Variants in MAP2K5 observed in about 807,000 individuals in gnomAD.
MAP2K5 encodes dual specificity mitogen-activated protein kinase kinase 5.
In MAP2K5, 49 loss-of-function variants were observed where a neutral mutation model predicts 83.1. That is an observed-to-expected ratio of 0.59 (90% CI 0.47 to 0.75). The LOEUF is 0.75. MAP2K5 is among the 30% of genes least tolerant of loss of function. MAP2K5 has a pLI of 0.00. For missense variants in MAP2K5, 457 were observed against 557.5 expected, an observed-to-expected ratio of 0.82 and a Z score of 1.82; for synonymous variants, 202 against 191.8, an observed-to-expected ratio of 1.05 and a Z score of -0.44.
chr15:67,806,864 C>G lies in MAP2K5; in HGVS notation c.*114C>G. On this transcript the variant is annotated 3_prime_UTR_variant, in exon 22 of 22. Coordinates refer to ENST00000178640, the MANE Select transcript of MAP2K5 (RefSeq NM_145160.3). ...AGAGCTTTGCTGGGCCCTGGCTTCC[C>G]TGCCCTCGCCTTCACCTCTGTCAGC... 1 of 1,595,462 alleles carries G rather than the reference C, an allele frequency of 6.3e-7. No individual in the cohort carries two copies. The highest frequency in any genetic ancestry group is 8.5e-7 in the Non-Finnish European group (1 of 1,178,402).
At chr15:67,642,417 G>A in intron 9 of MAP2K5, 1 of 1,607,560 alleles carries the variant, frequency 6.2e-7, no homozygotes, top group Non-Finnish European at 8.5e-7. Flanking sequence ...CTGTTTTTAG[G>A]AGATGAGGGA....
chr15:67,690,869 C>G lies in MAP2K5; in HGVS notation c.848-1610C>G, dbSNP rs961260830. Among the ~76,000 whole-genome samples, 5 of 152,074 alleles carry G rather than the reference C, an allele frequency of 3.3e-5. No homozygotes were observed. Among genetic ancestry groups the G allele is most frequent in the Non-Finnish European group, 7.4e-5 (5 of 68,002 alleles). On this transcript the variant is annotated intron_variant, in intron 13 of 21. Coordinates refer to ENST00000178640, the MANE Select transcript of MAP2K5 (RefSeq NM_145160.3). The surrounding 1 kb of genome is among the most constrained non-coding windows in gnomAD (Gnocchi z 4.3). Reference sequence around the variant, plus strand: ...AAATTTAATGTATCATATAAAAAGCCATTAATCAGTGAGCAAGATACTGTG... The same window carrying G: ...AAATTTAATGTATCATATAAAAAGCGATTAATCAGTGAGCAAGATACTGTG...
intron 17 of MAP2K5, among the ~76,000 whole-genome samples, chr15:67,740,152 C>T (rs571032282): frequency 6.6e-6 from 1 of 152,188 alleles, no homozygotes; most frequent in Non-Finnish European, 1.5e-5. Flanking sequence ...TTTAATAAGT[C>T]ACTCATTTCT....
chr15:67,564,124 A>G (rs2084794499), intron 3 of MAP2K5, among the ~76,000 whole-genome samples: 2 of 152,206 alleles, frequency 1.3e-5, no homozygotes, highest in Non-Finnish European at 2.9e-5. Flanking sequence ...TAGAAAGAGC[A>G]TTGGACTGGA....
At chr15:67,606,076 G>A (rs2085772561) in intron 8 of MAP2K5, among the ~76,000 whole-genome samples, 1 of 152,156 alleles carries the variant, frequency 6.6e-6, no homozygotes, top group Admixed American at 6.5e-5. Flanking sequence ...AGTTACTTTG[G>A]AAACATTGTT....
chr15:67,651,197 GAC>G (rs2086945166), intron 11 of MAP2K5, among the ~76,000 whole-genome samples: 1 of 152,194 alleles, frequency 6.6e-6, no homozygotes, highest in South Asian at 2.1e-4. Flanking sequence ...CAGCCTGGGT[GAC>G]AGAGACTCTG....
chr15:67,752,897 GAAA>G (rs11314980), intron 19 of MAP2K5, among the ~76,000 whole-genome samples: 2 of 141,768 alleles, frequency 1.4e-5, no homozygotes, highest in African/African-American at 2.6e-5. Flanking sequence ...AACAATCATT[GAAA>G]AAAAAAAAAA....
rs114079025 is a variant in MAP2K5, at chr15:67,802,930, G to A, written c.1243-3716G>A. On this transcript the variant is annotated intron_variant, in intron 21 of 21. Transcript: ENST00000178640. The surrounding 1 kb of genome is among the most constrained non-coding windows in gnomAD (Gnocchi z 5.0). ...GGAGACTGCAAGGAGCCTCGAGGTTGGCTGTCTGATTGCAGGCACAGGAGA... is the reference window on the plus strand; with the variant it reads ...GGAGACTGCAAGGAGCCTCGAGGTTAGCTGTCTGATTGCAGGCACAGGAGA... Among the ~76,000 whole-genome samples, 408 of 152,358 alleles carry A rather than the reference G, an allele frequency of 2.7e-3. 2 individuals are homozygous for A. The highest frequency in any genetic ancestry group is 9.3e-3 in the African/African-American group (388 of 41,582).
At chr15:67,602,925 T>TA (rs1320806925) in intron 8 of MAP2K5, among the ~76,000 whole-genome samples, 2 of 152,234 alleles carry the variant, frequency 1.3e-5, no homozygotes, top group Non-Finnish European at 2.9e-5. Flanking sequence ...GTGCTGGGAT[T>TA]ACAGGAGTGA....
At chr15:67,624,283 G>A (rs1357913976) in intron 8 of MAP2K5, among the ~76,000 whole-genome samples, 1 of 146,950 alleles carries the variant, frequency 6.8e-6, no homozygotes, top group African/African-American at 2.5e-5. Context: ...AGCTGGCAGT[G>A]AGCCGAGATC....
In MAP2K5 at chr15:67,769,509, TTTA is replaced by T; in HGVS notation, c.1135-91_1135-89del. 1.8e-6 allele frequency: 2 copies of T among 1,106,354 alleles called. No homozygotes were observed. The allele number at this position is 1,106,354 out of a possible 1,614,324, so 68.5% of individuals were successfully genotyped here. ...AGGCCTTATTCTCATTGTATTCATC[TTTA>T]TACTCATCCTTCACATGGGTGGGTG... is the stretch of plus-strand genomic sequence containing the variant. On this transcript the variant is annotated intron_variant, in intron 19 of 21. Transcript: ENST00000178640. This position sits in a 1 kb window ranked among gnomAD's most constrained non-coding sequence, Gnocchi z 5.2.
intron 3 of MAP2K5, among the ~76,000 whole-genome samples, chr15:67,571,097 T>C (rs2084939294): frequency 6.6e-6 from 1 of 152,270 alleles, no homozygotes; most frequent in South Asian, 2.1e-4. Flanking sequence ...CTCTGGATTC[T>C]TCCTGTAAAC....
intron 15 of MAP2K5, among the ~76,000 whole-genome samples, chr15:67,700,247 G>A (rs1450690229): frequency 6.6e-6 from 1 of 152,136 alleles, no homozygotes; most frequent in African/African-American, 2.4e-5. Context: ...GGTGCCAGAA[G>A]GACTGCCCTT....
chr15:67,657,608 A>G (rs2087117498), intron 11 of MAP2K5, among the ~76,000 whole-genome samples: 1 of 151,886 alleles, frequency 6.6e-6, no homozygotes, highest in South Asian at 2.1e-4. Flanking sequence ...ATGTTTAGTT[A>G]CACAGTGGTT....
intron 7 of MAP2K5, among the ~76,000 whole-genome samples, chr15:67,595,439 G>C (rs758684530): frequency 5.9e-5 from 9 of 152,174 alleles, no homozygotes; most frequent in Non-Finnish European, 1.3e-4. Flanking sequence ...TGAAGCAAAG[G>C]TCTAGTGATG....
At chr15:67,626,374 A>G (rs1212960322) in intron 8 of MAP2K5, among the ~76,000 whole-genome samples, 2 of 152,044 alleles carry the variant, frequency 1.3e-5, no homozygotes, top group Non-Finnish European at 2.9e-5. Context: ...AATACAAAAA[A>G]AAATTAGCCA....
intron 15 of MAP2K5, among the ~76,000 whole-genome samples, chr15:67,694,098 G>A (rs1567365628): frequency 6.6e-6 from 1 of 151,994 alleles, no homozygotes; most frequent in Non-Finnish European, 1.5e-5. Context: ...AGATTATTTA[G>A]TTGCACTGAA....
At chr15:67,804,959 C>A (rs749024275) in intron 21 of MAP2K5, among the ~76,000 whole-genome samples, 1 of 152,206 alleles carries the variant, frequency 6.6e-6, no homozygotes, top group African/African-American at 2.4e-5. Flanking sequence ...AGGCCCCAGA[C>A]CAAACCTCTG....
In MAP2K5 at chr15:67,722,067, A is replaced by G. The variant is rs2088974723; in HGVS notation, c.1045-5849A>G. Among the ~76,000 whole-genome samples the G allele has an allele frequency of 6.6e-6, 1 of 152,144 alleles. No individual in the cohort carries two copies. The highest frequency in any genetic ancestry group is 2.1e-4 in the South Asian group (1 of 4,820). The stretch of plus-strand genomic sequence containing the variant: ...AGTACTGATAATGTGGAGGGTCCCA[A>G]AGGTTATTAGGGCATGTTTCTGTTA... On this transcript the variant is annotated intron_variant, in intron 16 of 21. Coordinates refer to ENST00000178640, the MANE Select transcript of MAP2K5 (RefSeq NM_145160.3). The surrounding 1 kb of genome is among the most constrained non-coding windows in gnomAD (Gnocchi z 4.2).
Sources: allele counts gnomAD v4.1 joint callset (sites outside exome capture counted in the v4.1 genomes callset), GRCh38; gene constraint gnomAD v4.1.1; non-coding constraint Gnocchi (gnomAD v3.1); transcripts MANE v1.5; gene names NCBI Gene and HGNC (gene_info 2026-07-23, HGNC 2026-07-21).